Variants in PEX5L observed in about 807,000 individuals in gnomAD.
The protein encoded by PEX5L is PEX5-related protein.
In PEX5L, 30 loss-of-function variants were observed where a neutral mutation model predicts 84.0. The ratio of observed to expected loss-of-function variants is 0.36; its 90% CI spans 0.27 to 0.48. PEX5L has a LOEUF of 0.48. PEX5L is among the 20% of genes least tolerant of loss of function. The pLI is 0.99. For missense variants in PEX5L, 533 were observed against 754.6 expected (o/e 0.71, Z 3.44); for synonymous variants, 270 against 283.1 (o/e 0.95, Z 0.46).
At chr3:179,894,039 C>G (rs1185759507) in intron 3 of PEX5L, among the ~76,000 whole-genome samples, 1 of 152,044 alleles carries the variant, frequency 6.6e-6, no homozygotes, top group Non-Finnish European at 1.5e-5. Context: ...GCTGGGACTA[C>G]AGGTGCCAAC....
At chr3:179,863,265 G>A (rs1321129819) in intron 7 of PEX5L, among the ~76,000 whole-genome samples, 1 of 152,122 alleles carries the variant, frequency 6.6e-6, no homozygotes, top group Non-Finnish European at 1.5e-5. Flanking sequence ...AATGCTACAT[G>A]ACACTAGTCT....
chr3:179,925,288 C>T (rs532595329), intron 2 of PEX5L, among the ~76,000 whole-genome samples: 39 of 152,194 alleles, frequency 2.6e-4, no homozygotes, highest in Admixed American at 7.2e-4. Flanking sequence ...AAATCTTCCT[C>T]ACGCCCCTAC....
At chr3:179,976,839 C>T (rs933281269) in intron 1 of PEX5L, among the ~76,000 whole-genome samples, 1 of 152,050 alleles carries the variant, frequency 6.6e-6, no homozygotes, top group Non-Finnish European at 1.5e-5. Context: ...ATAACTGTTT[C>T]CTCCTTCCCT....
intron 2 of PEX5L, 80 bp downstream of exon 2, chr3:179,971,514 G>A: frequency 6.8e-7 from 1 of 1,463,484 alleles, no homozygotes; most frequent in South Asian, 1.5e-5. Context: ...AGCTGCCAGA[G>A]AAGGGCTGAA....
Position 179,795,691 on chromosome 3 carries a change from A to G in PEX5L, c.*6137T>C, listed in dbSNP as rs946155277. On this transcript the variant is annotated 3_prime_UTR_variant, in exon 15 of 15. Coordinates refer to ENST00000467460, the MANE Select transcript of PEX5L (RefSeq NM_016559.3). Reference sequence around the variant, plus strand: ...TGTTATCTATTTCAGCCTGAAAATGAAATCCCAAGACTTTAAACATTTATG... The same window carrying G: ...TGTTATCTATTTCAGCCTGAAAATGGAATCCCAAGACTTTAAACATTTATG... The G allele has an allele frequency of 1.3e-5, 2 of 152,320 alleles. No homozygotes were observed. The highest frequency in any genetic ancestry group is 4.8e-5 in the African/African-American group (2 of 41,570). 9.4% of individuals were successfully genotyped at this position (152,320 alleles called of 1,614,324 possible).
In PEX5L at chr3:179,859,047, T is replaced by C. The variant is rs1745054272; in HGVS notation, c.822+15A>G. On this transcript the variant is annotated intron_variant, in intron 8 of 14. Coordinates refer to ENST00000467460, the MANE Select transcript of PEX5L (RefSeq NM_016559.3). ...GGAGCATGAAACAGAAAAAACTAAT[T>C]TGAAGAAAAGTTACCTCCACTGCTG... is the stretch of plus-strand genomic sequence containing the variant. The C allele has an allele frequency of 6.3e-7, 1 of 1,584,996 alleles. No individual in the cohort carries two copies. Among genetic ancestry groups the C allele is most frequent in the Non-Finnish European group, 8.7e-7 (1 of 1,153,654 alleles).
chr3:179,917,215 C>G (rs1022843830), intron 2 of PEX5L, among the ~76,000 whole-genome samples: 1 of 152,094 alleles, frequency 6.6e-6, no homozygotes, highest in Non-Finnish European at 1.5e-5. Flanking sequence ...ACCTCCACAT[C>G]TTGTCCCACT....
chr3:180,030,472 T>C (rs1480774655), intron 1 of PEX5L, among the ~76,000 whole-genome samples: 1 of 152,230 alleles, frequency 6.6e-6, no homozygotes, highest in Non-Finnish European at 1.5e-5. Flanking sequence ...TGTTATCCCT[T>C]TCCTAAATAG....
intron 8 of PEX5L, among the ~76,000 whole-genome samples, chr3:179,839,601 G>A (rs1487619194): frequency 1.3e-5 from 2 of 152,130 alleles, no homozygotes; most frequent in Non-Finnish European, 2.9e-5. Flanking sequence ...AGAAGGTTGA[G>A]TTCTATTTTT....
intron 1 of PEX5L, among the ~76,000 whole-genome samples, chr3:180,022,859 G>T (rs1191688970): frequency 6.6e-6 from 1 of 152,152 alleles, no homozygotes; most frequent in Non-Finnish European, 1.5e-5. Context: ...ACACAAAGGG[G>T]CTCTCAGAGT....
chr3:179,986,508 T>A (rs963414525), intron 1 of PEX5L, among the ~76,000 whole-genome samples: 1 of 151,072 alleles, frequency 6.6e-6, no homozygotes, highest in Middle Eastern at 3.2e-3. Context: ...GTTCACGCCA[T>A]TCTCCTGCCT....
intron 2 of PEX5L, among the ~76,000 whole-genome samples, chr3:179,926,469 C>T (rs543692675): frequency 2.6e-4 from 39 of 152,286 alleles, no homozygotes; most frequent in African/African-American, 7.9e-4. Flanking sequence ...CAGAACTCCT[C>T]GGCCTCTTTT....
At position 179,810,134 on chromosome 3, in the gene PEX5L, G is replaced by A. The variant is rs540939576; in HGVS notation, c.1155-466C>T. 9.6e-5 allele frequency among the ~76,000 whole-genome samples: 14 copies of A among 145,860 alleles called. No homozygotes were observed. In the East Asian group the frequency reaches 1.1e-3, roughly 11 times the overall value. ...ACTCAAGCGATTTTCCTGCCTCAGC[G>A]TCCGAATAGCTGGGATTACAGATGC... On this transcript the variant is annotated intron_variant, in intron 11 of 14. Coordinates refer to ENST00000467460, the MANE Select transcript of PEX5L (RefSeq NM_016559.3).
intron 2 of PEX5L, among the ~76,000 whole-genome samples, chr3:179,966,355 T>C (rs929444837): frequency 6.6e-6 from 1 of 152,116 alleles, no homozygotes; most frequent in Non-Finnish European, 1.5e-5. Context: ...AGAGACAGGG[T>C]ATCATACTTT....
chr3:179,972,055 T>C (rs1405935739), intron 1 of PEX5L, among the ~76,000 whole-genome samples: 1 of 152,184 alleles, frequency 6.6e-6, no homozygotes, highest in Non-Finnish European at 1.5e-5. Context: ...GACTTCCAAC[T>C]ATTCAATGTT....
intron 7 of PEX5L, among the ~76,000 whole-genome samples, chr3:179,862,318 C>T (rs1341464301): frequency 1.3e-5 from 2 of 152,184 alleles, no homozygotes; most frequent in Admixed American, 6.5e-5. Flanking sequence ...ACCATTCAGC[C>T]AACTACAACC....
chr3:179,816,626 T>C (rs1483909100), intron 9 of PEX5L, among the ~76,000 whole-genome samples: 1 of 152,114 alleles, frequency 6.6e-6, no homozygotes, highest in Non-Finnish European at 1.5e-5. Flanking sequence ...ACAGGAGAAA[T>C]ACTTAATGTA....
At chr3:179,848,228 G>C (rs532691795) in intron 8 of PEX5L, among the ~76,000 whole-genome samples, 1 of 152,176 alleles carries the variant, frequency 6.6e-6, no homozygotes, top group South Asian at 2.1e-4. Flanking sequence ...GCATTCGACA[G>C]AAATAAAATT....
At chr3:180,004,714 T>A (rs1157908917) in intron 1 of PEX5L, among the ~76,000 whole-genome samples, 1 of 152,042 alleles carries the variant, frequency 6.6e-6, no homozygotes, top group East Asian at 1.9e-4. Flanking sequence ...GTTAAACCTC[T>A]GGGAGGGGCC....
Sources: gnomAD v4.1 joint callset for allele counts (sites outside exome capture counted in the v4.1 genomes callset) on GRCh38, gnomAD v4.1.1 for gene constraint, MANE v1.5 for transcripts, NCBI Gene and HGNC (gene_info 2026-07-23, HGNC 2026-07-21) for gene names.